Variants in ZNF611 observed in about 807,000 individuals in gnomAD.
The protein encoded by ZNF611 is zinc finger protein 611.
Under a neutral mutation model 8.9 loss-of-function variants are expected in ZNF611, and 6 were observed. The observed-to-expected ratio is 0.68, with a 90% CI of 0.37 to 1.34. ZNF611 has a LOEUF of 1.34. Ranked by LOEUF, ZNF611 falls within the 40% of genes most tolerant of loss-of-function variation. The probability of loss-of-function intolerance (pLI) is 0.02; values close to 1 mark genes in which losing one functional copy is unlikely to be tolerated. For synonymous variants in ZNF611, 262 were observed against 279.7 expected (o/e 0.94, Z 0.63); for missense variants, 874 against 841.3 (o/e 1.04, Z -0.48).
intron 4 of ZNF611, among the ~76,000 whole-genome samples, chr19:52,715,580 CCA>C (rs1568604025): frequency 1.3e-5 from 2 of 152,168 alleles, no homozygotes; most frequent in Non-Finnish European, 2.9e-5. Flanking sequence ...GGCTCACACC[CCA>C]TGTTTATCCA....
In ZNF611 at chr19:52,705,484, C is replaced by T. The variant is rs776612099; in HGVS notation, c.1571G>A (p.Ser524Asn). 4 of 1,613,072 alleles carry T rather than the reference C, an allele frequency of 2.5e-6. No individual in the cohort carries two copies. The highest frequency in any genetic ancestry group is 3.4e-6 in the Non-Finnish European group (4 of 1,179,830). The change falls in exon 6 of 6, where the codon AGC becomes AAC. Residue 524 changes from serine to asparagine, a missense_variant. By Grantham distance (46) the Ser-to-Asn change is conservative (BLOSUM62 1). Coordinates refer to ENST00000652185, the MANE Select transcript of ZNF611 (RefSeq NM_001161499.2). ...ECEKVFSRKS[S>N]LETHKIGHTG... ...ATGACCTATCTTATGTGTCTCAAGG[C>T]TTGATTTACGACTGAAAACCTTTTC...
In ZNF611 at chr19:52,727,289, T is replaced by C. The variant is rs116141707; in HGVS notation, c.-20+1441A>G. ...AGAGAAAGAAAGAATAACTATTTTA[T>C]TAATAAATAAGCTTTAGACCAGAAT... is the stretch of plus-strand genomic sequence containing the variant. On this transcript the variant is annotated intron_variant, in intron 3 of 5. Transcript: ENST00000652185. Among the ~76,000 whole-genome samples, 163 of 152,336 alleles carry C rather than the reference T, an allele frequency of 1.1e-3. 1 individual carries two copies. The highest frequency in any genetic ancestry group is 3.7e-3 in the African/African-American group (155 of 41,584).
chr19:52,709,654 G>A (rs961373978), intron 5 of ZNF611, among the ~76,000 whole-genome samples: 10 of 151,816 alleles, frequency 6.6e-5, no homozygotes, highest in East Asian at 2.0e-4. Flanking sequence ...CACAACCACC[G>A]CCTCGCAGGT....
Position 52,728,116 on chromosome 19 carries a change from T to C in ZNF611, c.-20+614A>G, listed in dbSNP as rs534824592. Reference sequence around the variant, plus strand: ...TAGAGACAGGTTTTCACCATGTTGGTCAGGTGGTCTTGAACTCCTGACCTC... The same window carrying C: ...TAGAGACAGGTTTTCACCATGTTGGCCAGGTGGTCTTGAACTCCTGACCTC... On this transcript the variant is annotated intron_variant, in intron 3 of 5. Coordinates refer to ENST00000652185, the MANE Select transcript of ZNF611 (RefSeq NM_001161499.2). Among the ~76,000 whole-genome samples the C allele has an allele frequency of 5.0e-3, 767 of 152,124 alleles. 8 individuals carry two copies. The highest frequency in any genetic ancestry group is 0.018 in the African/African-American group (733 of 41,528).
intron 3 of ZNF611, among the ~76,000 whole-genome samples, chr19:52,721,690 G>GA (rs1568606831): frequency 4.6e-5 from 7 of 151,620 alleles, no homozygotes; most frequent in African/African-American, 1.7e-4. Context: ...AGGGAGAGAG[G>GA]GAGGGAGAGG....
chr19:52,722,795 A>T (rs2062367968), intron 3 of ZNF611, among the ~76,000 whole-genome samples: 1 of 151,786 alleles, frequency 6.6e-6, no homozygotes, highest in Non-Finnish European at 1.5e-5. Flanking sequence ...CAGTGGCATG[A>T]TCTCTGCTCA....
At chr19:52,732,069 GA>G (rs1197696922) in intron 1 of ZNF611, among the ~76,000 whole-genome samples, 4 of 151,952 alleles carry the variant, frequency 2.6e-5, no homozygotes, top group Non-Finnish European at 5.9e-5. Context: ...AGGAGATTGA[GA>G]CCATCCTGGC....
Position 52,705,997 on chromosome 19 carries a change from T to C in ZNF611, c.1058A>G (p.Asn353Ser), listed in dbSNP as rs568577586. ...ATGATGTGAAAGTTGTGATTGTTGATTAAAAGCCTTGTCACATTCATTACA... is the reference window on the plus strand; with the variant it reads ...ATGATGTGAAAGTTGTGATTGTTGACTAAAAGCCTTGTCACATTCATTACA... ...YKCNECDKAF[N>S]QQSQLSHHRI... Residue 353 changes from asparagine to serine, a missense_variant, in exon 6 of 6, where the codon AAT becomes AGT. Physicochemically the swap from Asn to Ser is conservative, Grantham distance 46. Transcript: ENST00000652185. 1 of 1,613,932 alleles carries C rather than the reference T, an allele frequency of 6.2e-7. No individual in the cohort carries two copies. Among genetic ancestry groups the C allele is most frequent in the African/African-American group, 1.3e-5 (1 of 74,886 alleles).
rs1328990224 is a variant in ZNF611 at position 52,703,288 on chromosome 19, TTTTG to T, written c.*1645_*1648del. Reference sequence around the variant, plus strand: ...ATTTTTGAGGTCTTTTTTTGTTATTTTTTGTTTGTTTGAGATGGAGACTCACTCT... The same window carrying T: ...ATTTTTGAGGTCTTTTTTTGTTATTTTTTGTTTGAGATGGAGACTCACTCT... On this transcript the variant is annotated 3_prime_UTR_variant, in exon 6 of 6. Transcript: ENST00000652185. 3 of 152,040 alleles carry T rather than the reference TTTTG, an allele frequency of 2.0e-5. No homozygotes were observed. Among genetic ancestry groups the T allele is most frequent in the South Asian group, 2.1e-4 (1 of 4,830 alleles). 9.4% of individuals were successfully genotyped at this position (152,040 alleles called of 1,614,324 possible). A position where few individuals can be genotyped will look rare whatever the true frequency, so the allele number is the denominator to read the frequency against.
intron 3 of ZNF611, among the ~76,000 whole-genome samples, chr19:52,726,042 C>T (rs937627623): frequency 6.6e-6 from 1 of 152,258 alleles, no homozygotes; most frequent in South Asian, 2.1e-4. Context: ...AAATGCAAAG[C>T]CCTGCCTGGG....
chr19:52,720,854 A>AC, intron 3 of ZNF611: 1 of 146,292 alleles, frequency 6.8e-6, no homozygotes, highest in African/African-American at 2.6e-5. Flanking sequence ...CACTTCTCAG[A>AC]TGGGGTGGCT....
chr19:52,715,771 C>T, intron 4 of ZNF611, 61 bp downstream of exon 4: 1 of 1,598,842 alleles, frequency 6.3e-7, no homozygotes, highest in Non-Finnish European at 8.5e-7. Context: ...CTGGCTGCTA[C>T]AATACCTGGC....
chr19:52,706,320 G>T lies in ZNF611; in HGVS notation c.735C>A (p.Leu245=), dbSNP rs775531839. Residue 245 remains leucine, a synonymous_variant, in exon 6 of 6, where the codon CTC becomes CTA. Coordinates refer to ENST00000652185, the MANE Select transcript of ZNF611 (RefSeq NM_001161499.2). ...AATGGGGTATCTGGTGTTTCCTTAAGAGTGAGCTACAATTAAAGGCTTTGC... is the reference window on the plus strand; with the variant it reads ...AATGGGGTATCTGGTGTTTCCTTAATAGTGAGCTACAATTAAAGGCTTTGC... ...KSGKAFNCSS[L]LRKHQIPHLG... 3.7e-6 allele frequency: 6 copies of T among 1,614,154 alleles called. No individual in the cohort carries two copies. In the East Asian group the frequency reaches 1.1e-4, roughly 30 times the overall value.
chr19:52,713,900 A>G, intron 5 of ZNF611, 115 bp downstream of exon 5: 1 of 1,556,340 alleles, frequency 6.4e-7, no homozygotes, highest in Non-Finnish European at 8.6e-7. Flanking sequence ...TCAAAAACAA[A>G]AAACAAAAAA....
At chr19:52,725,560 C>G (rs979031115) in intron 3 of ZNF611, among the ~76,000 whole-genome samples, 5 of 152,096 alleles carry the variant, frequency 3.3e-5, no homozygotes, top group Admixed American at 3.3e-4. Flanking sequence ...GACTTCAAAC[C>G]CAAAAGGAAG....
In ZNF611 at chr19:52,704,019, A is replaced by G. The variant is rs1308754894; in HGVS notation, c.*918T>C. On this transcript the variant is annotated 3_prime_UTR_variant, in exon 6 of 6. Transcript: ENST00000652185. The stretch of plus-strand genomic sequence containing the variant: ...AATAAGAAACAAAAAACAGGCTGAG[A>G]AAAGTGGCTCACATCTGTTGGCCAT... The G allele has an allele frequency of 5.6e-6, 1 of 179,588 alleles. No homozygotes were observed. Among genetic ancestry groups the G allele is most frequent in the Non-Finnish European group, 1.2e-5 (1 of 83,844 alleles). 11.1% of individuals were successfully genotyped at this position (179,588 alleles called of 1,614,324 possible).
Position 52,705,067 on chromosome 19 carries a change from G to A in ZNF611, c.1988C>T (p.Ser663Leu). 1 of 1,614,138 alleles carries A rather than the reference G, an allele frequency of 6.2e-7. No individual in the cohort carries two copies. The change falls in exon 6 of 6, where the codon TCA becomes TTA. Residue 663 changes from serine to leucine, a missense_variant. Coordinates refer to ENST00000652185, the MANE Select transcript of ZNF611 (RefSeq NM_001161499.2). ...AATTCTGGTATGTCTTGACAGGAGT[G>A]AATTACGCACGAAAGCCTTGTCACA... ...TICDKAFVRN[S>L]LLSRHTRIHT...
At chr19:52,713,507 C>G (rs2062293920) in intron 5 of ZNF611, among the ~76,000 whole-genome samples, 1 of 152,154 alleles carries the variant, frequency 6.6e-6, no homozygotes, top group Non-Finnish European at 1.5e-5. Context: ...AATTGCAACA[C>G]CACTGACTGC....
chr19:52,718,807 CA>C (rs1402378249), intron 3 of ZNF611, among the ~76,000 whole-genome samples: 8 of 150,370 alleles, frequency 5.3e-5, no homozygotes, highest in Admixed American at 5.3e-4. Context: ...AAAAAACAAA[CA>C]AACAAACAAA....
Sources: gnomAD v4.1 joint callset for allele counts (sites outside exome capture counted in the v4.1 genomes callset) on GRCh38, gnomAD v4.1.1 for gene constraint, MANE v1.5 for transcripts, NCBI Gene and HGNC (gene_info 2026-07-23, HGNC 2026-07-21) for gene names.